ANK2: variants seen among roughly 807,000 people sequenced by gnomAD.
ANK2 encodes the protein ankyrin 2, also known as ankyrin-2.
A neutral mutation model predicts 360.5 loss-of-function variants in ANK2; 83 were observed. That is an observed-to-expected ratio of 0.23 (90% confidence interval 0.19 to 0.28). The LOEUF is 0.28. ANK2 is among the 10% of genes least tolerant of loss of function. The probability of loss-of-function intolerance (pLI) is 1.00; values close to 1 mark genes in which losing one functional copy is unlikely to be tolerated. For missense variants in ANK2, 4,201 were observed against 4,795.7 expected (o/e 0.88, Z 3.66); for synonymous variants, 1,740 against 1,759.5 (o/e 0.99, Z 0.28).
chr4:112,743,532 G>GTC, the ANK2 span, among the ~76,000 whole-genome samples: 6 of 124,462 alleles, frequency 4.8e-5, no homozygotes, highest in East Asian at 2.5e-4. Context: ...CTTTCTTTCT[G>GTC]TCTCTCTCTC....
At chr4:113,005,742 T>C (rs1402058819) in intron 2 of ANK2, among the ~76,000 whole-genome samples, 1 of 152,154 alleles carries the variant, frequency 6.6e-6, no homozygotes, top group African/African-American at 2.4e-5. Flanking sequence ...ATCTGCAGTG[T>C]TGGAGGTGGG....
intron 2 of ANK2, among the ~76,000 whole-genome samples, chr4:112,924,837 C>CT (rs199974647): frequency 0.045 from 5,921 of 131,956 alleles, 195 homozygotes; most frequent in South Asian, 0.087. Context: ...ATATTTATTA[C>CT]TTTTTTTTTT....
chr4:112,740,244 T>G, the ANK2 span, among the ~76,000 whole-genome samples: 4 of 152,250 alleles, frequency 2.6e-5, no homozygotes, highest in Admixed American at 6.5e-5. Context: ...TTTATTTTTA[T>G]TTTTACTTTT....
rs538152474 is a variant in ANK2 at position 113,251,924 on chromosome 4, G to A, written c.990+2062G>A. Among the ~76,000 whole-genome samples the A allele has an allele frequency of 8.7e-4, 133 of 152,180 alleles. 1 individual carries two copies. Among genetic ancestry groups the A allele is most frequent in the South Asian group, 6.9e-3 (33 of 4,806 alleles). ...AATCAGGTTAGAGTGAGGGGATACCGCTCTCCTGGGAGTGGAATAGGTACC... is the reference window on the plus strand; with the variant it reads ...AATCAGGTTAGAGTGAGGGGATACCACTCTCCTGGGAGTGGAATAGGTACC... On this transcript the variant is annotated intron_variant, in intron 10 of 45. Coordinates refer to ENST00000357077, the MANE Select transcript of ANK2 (RefSeq NM_001148.6).
chr4:112,928,043 T>C (rs1416094779), intron 2 of ANK2, among the ~76,000 whole-genome samples: 1 of 152,100 alleles, frequency 6.6e-6, no homozygotes, highest in East Asian at 1.9e-4. Flanking sequence ...TTTTAAAAAA[T>C]AAAAAAGAAG....
At chr4:113,023,082 G>A (rs1399482451) in intron 2 of ANK2, among the ~76,000 whole-genome samples, 4 of 152,082 alleles carry the variant, frequency 2.6e-5, no homozygotes, top group African/African-American at 7.2e-5. Context: ...ACATGTTTAC[G>A]AATGTAACAA....
At chr4:113,334,984 A>C (rs1259873818) in intron 29 of ANK2, among the ~76,000 whole-genome samples, 2 of 152,092 alleles carry the variant, frequency 1.3e-5, no homozygotes, top group Non-Finnish European at 2.9e-5. Context: ...CTATCTAGCT[A>C]TGCCCAATAA....
At chr4:112,783,156 G>A in the ANK2 span, among the ~76,000 whole-genome samples, 15 of 152,198 alleles carry the variant, frequency 9.9e-5, no homozygotes, top group African/African-American at 2.6e-4. Flanking sequence ...GATTCCCCCC[G>A]CATTGGCCTC....
chr4:112,744,286 A>G, the ANK2 span, among the ~76,000 whole-genome samples: 2 of 150,858 alleles, frequency 1.3e-5, no homozygotes, highest in African/African-American at 4.9e-5. Context: ...GAATAATTCT[A>G]CTCTGGGAGA....
the ANK2 span, among the ~76,000 whole-genome samples, chr4:112,784,449 C>G: frequency 2.0e-5 from 3 of 151,394 alleles, no homozygotes; most frequent in African/African-American, 7.3e-5. Context: ...GCTCCGCCTC[C>G]CAGGTTCACG....
intron 1 of ANK2, among the ~76,000 whole-genome samples, chr4:113,140,566 G>A (rs2096600282): frequency 6.6e-6 from 1 of 152,098 alleles, no homozygotes; most frequent in Non-Finnish European, 1.5e-5. Context: ...CTTGGATCTT[G>A]GAGGAGAGAA....
At chr4:113,141,903 T>C (rs2096647826) in intron 1 of ANK2, among the ~76,000 whole-genome samples, 1 of 152,170 alleles carries the variant, frequency 6.6e-6, no homozygotes, top group South Asian at 2.1e-4. Context: ...GCAATACAAA[T>C]GAAATAATAA....
At position 113,121,655 on chromosome 4, in the gene ANK2, A is replaced by G. The variant is rs73841235; in HGVS notation, c.85-52761A>G. Reference sequence around the variant, plus strand: ...TTGTCACAATTTTATTAGGACTTCAAGATGTATTTGCAAATCTACTTTTAT... The same window carrying G: ...TTGTCACAATTTTATTAGGACTTCAGGATGTATTTGCAAATCTACTTTTAT... On this transcript the variant is annotated intron_variant, in intron 1 of 45. Transcript: ENST00000357077. 3.4e-3 allele frequency among the ~76,000 whole-genome samples: 522 copies of G among 152,266 alleles called. 7 individuals carry two copies. Among genetic ancestry groups the G allele is most frequent in the African/African-American group, 0.012 (502 of 41,550 alleles).
At chr4:113,305,565 G>A (rs62313241) in intron 23 of ANK2, among the ~76,000 whole-genome samples, 3,388 of 152,108 alleles carry the variant, frequency 0.022, 60 homozygotes, top group Non-Finnish European at 0.032. Flanking sequence ...TTCTTTCCCC[G>A]AGGAAAATTC....
chr4:113,251,473 ATCT>A (rs1465509618), intron 10 of ANK2, among the ~76,000 whole-genome samples: 1 of 142,842 alleles, frequency 7.0e-6, no homozygotes, highest in Non-Finnish European at 1.5e-5. Context: ...ATAATACAAA[ATCT>A]TTTTTTTTTT....
chr4:113,207,376 A>G (rs1003210942), intron 4 of ANK2, among the ~76,000 whole-genome samples: 2 of 152,214 alleles, frequency 1.3e-5, no homozygotes, highest in Non-Finnish European at 2.9e-5. Context: ...TCCAAGTCCA[A>G]TGTTATTGCA....
chr4:112,849,228 T>A (rs2064049074), intron 1 of ANK2, among the ~76,000 whole-genome samples: 1 of 152,196 alleles, frequency 6.6e-6, no homozygotes, highest in South Asian at 2.1e-4. Context: ...GTAGGGTGTT[T>A]ATATATGTGA....
intron 2 of ANK2, among the ~76,000 whole-genome samples, chr4:112,951,395 G>C (rs2094982629): frequency 6.6e-6 from 1 of 152,128 alleles, no homozygotes; most frequent in African/African-American, 2.4e-5. Context: ...GAGTTATTTT[G>C]ATAACTAGCT....
chr4:113,330,171 A>G, intron 26 of ANK2, 75 bp from the exon 27 acceptor site: 2 of 1,428,606 alleles, frequency 1.4e-6, no homozygotes, highest in Non-Finnish European at 1.9e-6. Flanking sequence ...AGCATTACGA[A>G]AAACAACTTG....
Sources: allele counts gnomAD v4.1 joint callset (sites outside exome capture counted in the v4.1 genomes callset), GRCh38; gene constraint gnomAD v4.1.1; transcripts MANE v1.5; gene names NCBI Gene and HGNC (gene_info 2026-07-23, HGNC 2026-07-21).